The following SPOCK1 variants were observed in gnomAD, a reference collection of about 807,000 sequenced individuals.
The protein encoded by SPOCK1 is testican-1.
SPOCK1 carries 23 observed loss-of-function variants against 55.3 expected under a neutral mutation model. The ratio of observed to expected loss-of-function variants is 0.42; its 90% CI spans 0.30 to 0.59. SPOCK1 has a LOEUF of 0.59. Ranked by LOEUF, SPOCK1 falls within the 20% of genes least tolerant of loss-of-function variation. The pLI, the probability that SPOCK1 is intolerant of heterozygous loss-of-function variation, is 0.22. For synonymous variants in SPOCK1, 226 were observed against 221.0 expected, an observed-to-expected ratio of 1.02 and a Z score of -0.20; for missense variants, 499 against 552.5, an observed-to-expected ratio of 0.90 and a Z score of 0.97.
intron 5 of SPOCK1, among the ~76,000 whole-genome samples, chr5:137,072,709 C>T (rs1486118141): frequency 2.6e-5 from 4 of 152,232 alleles, no homozygotes; most frequent in African/African-American, 9.6e-5. Context: ...TACCACACCA[C>T]ACTCTGCTTT....
At chr5:137,483,898 C>A (rs890510052) in intron 2 of SPOCK1, among the ~76,000 whole-genome samples, 11 of 152,224 alleles carry the variant, frequency 7.2e-5, no homozygotes, top group Admixed American at 5.9e-4. Flanking sequence ...GTTCATGATG[C>A]TGAGACAGCA....
At chr5:137,331,117 C>G (rs992172742) in intron 2 of SPOCK1, among the ~76,000 whole-genome samples, 15 of 152,152 alleles carry the variant, frequency 9.9e-5, no homozygotes, top group African/African-American at 3.6e-4. Flanking sequence ...GCTCTTCACT[C>G]AGCTGTACAG....
At chr5:137,402,969 G>A (rs1752015288) in intron 2 of SPOCK1, among the ~76,000 whole-genome samples, 1 of 152,094 alleles carries the variant, frequency 6.6e-6, no homozygotes, top group African/African-American at 2.4e-5. Context: ...AAAACAACAG[G>A]CTCATCTCAT....
intron 3 of SPOCK1, among the ~76,000 whole-genome samples, chr5:137,156,712 C>T (rs1179271957): frequency 1.2e-4 from 18 of 152,164 alleles, no homozygotes; most frequent in Non-Finnish European, 2.6e-4. Flanking sequence ...ACAGCAAAAC[C>T]ATGAGCCAGG....
intron 6 of SPOCK1, among the ~76,000 whole-genome samples, chr5:136,995,398 C>T (rs1484866812): frequency 6.6e-6 from 1 of 152,174 alleles, no homozygotes; most frequent in East Asian, 1.9e-4. Context: ...GGCAGATCCT[C>T]AGGAGCAGGC....
chr5:137,389,414 T>C (rs1316630655), intron 2 of SPOCK1, among the ~76,000 whole-genome samples: 3 of 152,246 alleles, frequency 2.0e-5, no homozygotes, highest in Admixed American at 6.5e-5. Context: ...GCACAAAACA[T>C]CCTTCATCAG....
At chr5:137,085,825 G>A (rs911852748) in intron 5 of SPOCK1, among the ~76,000 whole-genome samples, 3 of 152,156 alleles carry the variant, frequency 2.0e-5, no homozygotes, top group Non-Finnish European at 4.4e-5. Flanking sequence ...GTGGAAAGCT[G>A]TATCTCACCA....
rs1378179222 is a variant in SPOCK1 at position 137,058,124 on chromosome 5, G to A, written c.589+9591C>T. ...AGCATGGGAAAATTTAGCTTAAAGT[G>A]TGCGGATGGACACGTGTGGAAGAGT... On this transcript the variant is annotated intron_variant, in intron 6 of 10. Coordinates refer to ENST00000394945, the MANE Select transcript of SPOCK1 (RefSeq NM_004598.4). Among the ~76,000 whole-genome samples the A allele has an allele frequency of 3.3e-5, 5 of 152,218 alleles. No homozygotes were observed. In the East Asian group the frequency reaches 9.6e-4, roughly 29 times the overall value.
chr5:137,319,957 A>AC (rs1355537253), intron 2 of SPOCK1, among the ~76,000 whole-genome samples: 1 of 150,904 alleles, frequency 6.6e-6, no homozygotes, highest in East Asian at 1.9e-4. Context: ...GTCTCAAAAA[A>AC]AAAAAAAAAA....
chr5:137,470,758 A>G (rs996358726), intron 2 of SPOCK1, among the ~76,000 whole-genome samples: 3 of 152,202 alleles, frequency 2.0e-5, no homozygotes, highest in African/African-American at 7.2e-5. Flanking sequence ...ACCAAACAGT[A>G]AACAGCAAAA....
chr5:137,405,299 A>G (rs1379219068), intron 2 of SPOCK1, among the ~76,000 whole-genome samples: 5 of 152,254 alleles, frequency 3.3e-5, no homozygotes, highest in African/African-American at 1.2e-4. Context: ...TCATATAATT[A>G]CTGACAGCTC....
intron 2 of SPOCK1, among the ~76,000 whole-genome samples, chr5:137,326,279 C>CAAAA (rs34897652): frequency 7.1e-6 from 1 of 140,678 alleles, no homozygotes. Context: ...CTTCTGCATC[C>CAAAA]AAAAAAAAAA....
At chr5:137,003,153 C>T (rs1751181485) in intron 6 of SPOCK1, among the ~76,000 whole-genome samples, 1 of 152,148 alleles carries the variant, frequency 6.6e-6, no homozygotes, top group African/African-American at 2.4e-5. Flanking sequence ...TGCCTGTAGT[C>T]CCAGCACTTT....
intron 2 of SPOCK1, among the ~76,000 whole-genome samples, chr5:137,440,744 T>C (rs1752984496): frequency 6.6e-6 from 1 of 152,266 alleles, no homozygotes; most frequent in South Asian, 2.1e-4. Context: ...TGATTTAAGC[T>C]TTTATTCTTA....
chr5:137,097,056 G>A (rs182283233), intron 5 of SPOCK1, among the ~76,000 whole-genome samples: 70 of 152,328 alleles, frequency 4.6e-4, no homozygotes, highest in African/African-American at 1.6e-3. Flanking sequence ...GTCATGTTAT[G>A]TGCATAGTAT....
At chr5:137,422,086 A>G (rs4976353) in intron 2 of SPOCK1, among the ~76,000 whole-genome samples, 140,033 of 152,282 alleles carry the variant, frequency 0.92, 65,150 homozygotes, top group East Asian at 1. Context: ...TGAAATTCTG[A>G]GTTGAAAATT....
chr5:137,010,612 C>A (rs891015960), intron 6 of SPOCK1, among the ~76,000 whole-genome samples: 1 of 152,084 alleles, frequency 6.6e-6, no homozygotes, highest in African/African-American at 2.4e-5. Flanking sequence ...GCCTCCAGTT[C>A]CCTCACCAGC....
chr5:137,424,681 A>G (rs1752570368), intron 2 of SPOCK1, among the ~76,000 whole-genome samples: 1 of 152,238 alleles, frequency 6.6e-6, no homozygotes, highest in South Asian at 2.1e-4. Flanking sequence ...AGAATTACTG[A>G]TATACACAAG....
intron 5 of SPOCK1, among the ~76,000 whole-genome samples, chr5:137,106,274 T>C (rs769765083): frequency 5.3e-5 from 8 of 152,088 alleles, no homozygotes; most frequent in African/African-American, 1.4e-4. Context: ...GACTGCCCAC[T>C]TGGGTGAAGC....
Sources: gnomAD v4.1 joint callset for allele counts (sites outside exome capture counted in the v4.1 genomes callset) on GRCh38, gnomAD v4.1.1 for gene constraint, MANE v1.5 for transcripts, NCBI Gene and HGNC (gene_info 2026-07-23, HGNC 2026-07-21) for gene names.